Variants in MELK observed in about 807,000 individuals in gnomAD.
MELK encodes the protein maternal embryonic leucine zipper kinase, also known as pEg3 kinase.
Under a neutral mutation model 85.0 loss-of-function variants are expected in MELK, and 81 were observed. The observed-to-expected ratio is 0.95, with a 90% CI of 0.80 to 1.15. The LOEUF (loss-of-function observed/expected upper bound fraction) is 1.15, where lower values mean the gene tolerates loss of function less well. MELK is among the 50% of genes most tolerant of loss of function. The pLI is 0.00. For synonymous variants in MELK, 252 were observed against 265.0 expected, an observed-to-expected ratio of 0.95 and a Z score of 0.48; for missense variants, 754 against 777.5, an observed-to-expected ratio of 0.97 and a Z score of 0.36.
intron 14 of MELK, among the ~76,000 whole-genome samples, chr9:36,666,303 T>G (rs1832330157): frequency 6.6e-6 from 1 of 152,180 alleles, no homozygotes; most frequent in Non-Finnish European, 1.5e-5. Context: ...CTAGACTAGG[T>G]CTCACTAGGG....
intron 13 of MELK, among the ~76,000 whole-genome samples, chr9:36,659,550 CAT>C (rs2137576690): frequency 1.3e-5 from 2 of 152,124 alleles, no homozygotes; most frequent in East Asian, 3.9e-4. Context: ...ATTATAATAT[CAT>C]ATTTTTACTA....
intron 14 of MELK, among the ~76,000 whole-genome samples, chr9:36,666,847 CTGTGTTTGTGTGTGTG>C (rs1169045133): frequency 1.8e-5 from 2 of 114,022 alleles, no homozygotes; most frequent in Admixed American, 1.8e-4. Flanking sequence ...CTGATGATGT[CTGTGTTTGTGTGTGTG>C]TGTGTGTGTG....
At chr9:36,610,217 A>G (rs376731172) in intron 8 of MELK, among the ~76,000 whole-genome samples, 7 of 152,238 alleles carry the variant, frequency 4.6e-5, no homozygotes, top group African/African-American at 1.4e-4. Flanking sequence ...AGTAGCATAC[A>G]GTGTTGAAAG....
intron 10 of MELK, among the ~76,000 whole-genome samples, chr9:36,640,896 T>C (rs1005155180): frequency 2.0e-5 from 3 of 152,238 alleles, no homozygotes; most frequent in African/African-American, 7.2e-5. Context: ...AAATTTGTCT[T>C]TACTGTTTCT....
At chr9:36,654,480 C>T (rs886067800) in intron 12 of MELK, among the ~76,000 whole-genome samples, 29 of 151,314 alleles carry the variant, frequency 1.9e-4, no homozygotes, top group African/African-American at 6.3e-4. Context: ...CTCATTGTCC[C>T]GAGTAGCTGG....
intron 10 of MELK, among the ~76,000 whole-genome samples, chr9:36,638,481 A>C (rs1166161999): frequency 6.6e-6 from 1 of 151,882 alleles, no homozygotes; most frequent in Non-Finnish European, 1.5e-5. Context: ...GACGGGGTTT[A>C]TCCATGTTGG....
chr9:36,676,660 A>G (rs1833374280), intron 17 of MELK, among the ~76,000 whole-genome samples: 2 of 152,308 alleles, frequency 1.3e-5, no homozygotes, highest in South Asian at 2.1e-4. Context: ...ATCTCTCATT[A>G]CTAATTAGAA....
chr9:36,615,759 C>T (rs1214817880), intron 8 of MELK, among the ~76,000 whole-genome samples: 39 of 147,848 alleles, frequency 2.6e-4, no homozygotes, highest in South Asian at 6.5e-4. Context: ...AGACGATGGG[C>T]GGCTGGGCAG....
intron 2 of MELK, 95 bp downstream of exon 2, chr9:36,581,834 C>G (rs1183226960): frequency 1.0e-5 from 10 of 980,914 alleles, no homozygotes; most frequent in Admixed American, 4.8e-5. Flanking sequence ...CTAACCCACA[C>G]AGTTTTAAAA....
At chr9:36,615,420 G>C (rs1469488633) in intron 8 of MELK, among the ~76,000 whole-genome samples, 2 of 135,482 alleles carry the variant, frequency 1.5e-5, no homozygotes, top group African/African-American at 2.9e-5. Context: ...CCTCCCGGAC[G>C]GCACGGCTGG....
chr9:36,583,554 A>G, intron 2 of MELK, 73 bp from the exon 3 acceptor site: 1 of 962,942 alleles, frequency 1.0e-6, no homozygotes, highest in South Asian at 2.4e-5. Flanking sequence ...GAGTCTTTTA[A>G]AATTATTATA....
intron 12 of MELK, 129 bp downstream of exon 12, chr9:36,652,006 G>C: frequency 1.5e-6 from 1 of 683,830 alleles, no homozygotes; most frequent in Non-Finnish European, 2.1e-6. Flanking sequence ...CAATATTTTT[G>C]ATGAGAAAAA....
At chr9:36,592,479 C>CA (rs1823729490) in intron 4 of MELK, among the ~76,000 whole-genome samples, 1 of 152,064 alleles carries the variant, frequency 6.6e-6, no homozygotes, top group African/African-American at 2.4e-5. Flanking sequence ...GCCCGGCCCT[C>CA]AAATTTTCTT....
At chr9:36,651,464 G>A (rs1199995947) in intron 11 of MELK, among the ~76,000 whole-genome samples, 1 of 152,036 alleles carries the variant, frequency 6.6e-6, no homozygotes, top group East Asian at 1.9e-4. Flanking sequence ...ATTATCTGAA[G>A]CTGAAAAAAA....
chr9:36,590,512 CTG>C lies in MELK; in HGVS notation c.261+864_261+865del, dbSNP rs1410221595. Among the ~76,000 whole-genome samples the C allele has an allele frequency of 2.0e-5, 3 of 152,144 alleles. No individual in the cohort carries two copies. In the East Asian group the frequency reaches 5.8e-4, roughly 29 times the overall value. ...AAATGGTGTTTTCCTCTCTGTGTAG[CTG>C]TGTCTCTGTCCAAATGTCTCTCTTC... is the stretch of plus-strand genomic sequence containing the variant. On this transcript the variant is annotated intron_variant, in intron 4 of 17. Coordinates refer to ENST00000298048, the MANE Select transcript of MELK (RefSeq NM_014791.4).
intron 2 of MELK, among the ~76,000 whole-genome samples, chr9:36,582,162 G>A (rs1397833097): frequency 6.6e-6 from 1 of 152,002 alleles, no homozygotes; most frequent in African/African-American, 2.4e-5. Context: ...TAGAGACGGG[G>A]TTTCACCGTG....
intron 3 of MELK, among the ~76,000 whole-genome samples, chr9:36,585,316 T>G (rs1822777225): frequency 7.0e-6 from 1 of 143,380 alleles, no homozygotes; most frequent in Non-Finnish European, 1.5e-5. Context: ...TTTTTTTTTT[T>G]TTTTTTTTTG....
At chr9:36,669,556 A>G (rs1832707832) in intron 15 of MELK, 150 bp downstream of exon 15, 2 of 554,332 alleles carry the variant, frequency 3.6e-6, no homozygotes, top group Non-Finnish European at 6.0e-6. Flanking sequence ...ACCTGTGGCC[A>G]TTCCTGGACC....
chr9:36,651,807 A>T lies in MELK; in HGVS notation c.983A>T (p.Lys328Ile). Reference sequence around the variant, plus strand: ...CTTCTAGCCAAGAAGGCTCGGGGAAAACCAGTTCGTTTAAGGCTTTCTTCT... The same window carrying T: ...CTTCTAGCCAAGAAGGCTCGGGGAATACCAGTTCGTTTAAGGCTTTCTTCT... ...LLLLAKKARG[K>I]PVRLRLSSFS... Residue 328 changes from lysine (K) to isoleucine (I), a missense_variant, in exon 12 of 18, where the codon AAA (lysine) becomes ATA (isoleucine). Coordinates refer to ENST00000298048, the MANE Select transcript of MELK (RefSeq NM_014791.4). 10 of 1,614,062 alleles carry T rather than the reference A, an allele frequency of 6.2e-6. No individual in the cohort carries two copies. Among genetic ancestry groups the T allele is most frequent in the Non-Finnish European group, 8.5e-6 (10 of 1,179,976 alleles).
Sources: gnomAD v4.1 joint callset for allele counts (sites outside exome capture counted in the v4.1 genomes callset) on GRCh38, gnomAD v4.1.1 for gene constraint, MANE v1.5 for transcripts, NCBI Gene and HGNC (gene_info 2026-07-23, HGNC 2026-07-21) for gene names.